The following ANO4 variants were observed in gnomAD, a reference collection of about 807,000 sequenced individuals.
The protein encoded by ANO4 is anoctamin-4.
Under a neutral mutation model 141.9 loss-of-function variants are expected in ANO4, and 69 were observed. That is an observed-to-expected ratio of 0.49 (90% CI 0.40 to 0.59). ANO4 has a LOEUF of 0.59. ANO4 is among the 20% of genes least tolerant of loss of function. The pLI is 0.00. For synonymous variants in ANO4, 350 were observed against 394.3 expected (o/e 0.89, Z 1.33); for missense variants, 894 against 1,162.2 (o/e 0.77, Z 3.36).
At chr12:100,750,594 C>T (rs533241757) in intron 3 of ANO4, among the ~76,000 whole-genome samples, 1 of 152,198 alleles carries the variant, frequency 6.6e-6, no homozygotes, top group East Asian at 1.9e-4. Context: ...TAGGAATAAT[C>T]CTCTTCTTAA....
intron 4 of ANO4, among the ~76,000 whole-genome samples, chr12:100,941,770 C>T (rs970811603): frequency 1.3e-5 from 2 of 151,924 alleles, no homozygotes; most frequent in Non-Finnish European, 2.9e-5. Flanking sequence ...GTGAGCATAT[C>T]AATTTTCACT....
chr12:101,121,596 C>T (rs2051095290), intron 26 of ANO4, among the ~76,000 whole-genome samples: 2 of 152,098 alleles, frequency 1.3e-5, no homozygotes, highest in Admixed American at 6.5e-5. Flanking sequence ...TGAGTATATA[C>T]CCAGAAATGG....
chr12:100,833,792 T>A (rs1286991322), intron 1 of ANO4, among the ~76,000 whole-genome samples: 1 of 152,148 alleles, frequency 6.6e-6, no homozygotes, highest in East Asian at 1.9e-4. Context: ...CCCATCCAGA[T>A]GATCCTGTTC....
intron 3 of ANO4, among the ~76,000 whole-genome samples, chr12:100,758,598 T>C (rs535377638): frequency 3.2e-4 from 48 of 152,286 alleles, no homozygotes; most frequent in Middle Eastern, 6.8e-3. Flanking sequence ...GAATTGACAG[T>C]GTGCTTTCCC....
chr12:101,063,775 T>TTTC (rs2048455993), intron 14 of ANO4, among the ~76,000 whole-genome samples: 1 of 135,510 alleles, frequency 7.4e-6, no homozygotes, highest in Non-Finnish European at 1.6e-5. Flanking sequence ...TTTTTTTTTT[T>TTTC]TTTGCCTTTG....
chr12:101,126,862 A>G lies in ANO4; in HGVS notation c.2677-17A>G. The G allele has an allele frequency of 1.3e-6, 2 of 1,568,084 alleles. No homozygotes were observed. The highest frequency in any genetic ancestry group is 2.2e-5 in the South Asian group (2 of 89,686). ...TGCACAGTAGACCTGACGCTGTTAC[A>G]TTCTCCTCTGTTTTAGCACCTCGTG... On this transcript the variant is annotated splice_polypyrimidine_tract_variant and intron_variant, in intron 26 of 27. Transcript: ENST00000392977.
At chr12:101,110,653 C>A in intron 23 of ANO4, 97 bp downstream of exon 23, 1 of 1,119,212 alleles carries the variant, frequency 8.9e-7, no homozygotes, top group East Asian at 2.9e-5. Context: ...TTATGTTTTC[C>A]ATTTAATATA....
At chr12:100,874,818 C>T (rs1187204755) in intron 1 of ANO4, among the ~76,000 whole-genome samples, 3 of 152,188 alleles carry the variant, frequency 2.0e-5, no homozygotes, top group Non-Finnish European at 4.4e-5. Context: ...CCACACCCAG[C>T]CAGGAGTTTT....
chr12:100,765,941 G>A (rs1368918884), intron 3 of ANO4, among the ~76,000 whole-genome samples: 2 of 150,674 alleles, frequency 1.3e-5, no homozygotes, highest in Non-Finnish European at 1.5e-5. Flanking sequence ...TATTAACTCC[G>A]GTCACCATGC....
chr12:100,996,442 T>G (rs928005749), intron 8 of ANO4, among the ~76,000 whole-genome samples: 3 of 152,156 alleles, frequency 2.0e-5, no homozygotes, highest in African/African-American at 7.2e-5. Context: ...CCCAGCACTT[T>G]GGGAGACCGT....
chr12:101,083,284 T>A (rs967775864), intron 15 of ANO4, among the ~76,000 whole-genome samples: 1 of 152,206 alleles, frequency 6.6e-6, no homozygotes, highest in African/African-American at 2.4e-5. Flanking sequence ...AGAAGCCTTC[T>A]TTGTCCTGGT....
At chr12:101,080,883 T>TAA (rs1491584060) in intron 15 of ANO4, among the ~76,000 whole-genome samples, 4 of 74,072 alleles carry the variant, frequency 5.4e-5, no homozygotes, top group African/African-American at 7.8e-5. Context: ...TATATATATA[T>TAA]TATATATATA....
chr12:100,837,076 G>A (rs948487428), intron 1 of ANO4, among the ~76,000 whole-genome samples: 1 of 152,130 alleles, frequency 6.6e-6, no homozygotes. Context: ...GAGAAGCCAG[G>A]CTTTGCCTTG....
At chr12:101,000,298 T>C (rs959003105) in intron 8 of ANO4, among the ~76,000 whole-genome samples, 3 of 152,214 alleles carry the variant, frequency 2.0e-5, no homozygotes, top group African/African-American at 7.2e-5. Context: ...TACTCAGTGT[T>C]CCAGATACTT....
intron 14 of ANO4, chr12:101,068,176 C>G: frequency 9.0e-7 from 1 of 1,109,628 alleles, no homozygotes; most frequent in South Asian, 1.7e-5. Context: ...TTAAATAGCC[C>G]CATAGGAGTG....
Position 100,862,726 on chromosome 12 carries a change from CAT to C in ANO4, c.-140-38919_-140-38918del, listed in dbSNP as rs143144087. Among the ~76,000 whole-genome samples the C allele has an allele frequency of 2.9e-3, 447 of 152,318 alleles. 1 individual carries two copies. The highest frequency in any genetic ancestry group is 9.9e-3 in the African/African-American group (411 of 41,572). On this transcript the variant is annotated intron_variant, in intron 1 of 27. Transcript: ENST00000392977. ...TTGTTCACATCAGTATCACTGCAAA[CAT>C]GTGAGTAATGCATTGCCCTATGACA...
In ANO4 at chr12:100,865,084, A is replaced by G. The variant is rs367669636; in HGVS notation, c.-140-36562A>G. Among the ~76,000 whole-genome samples, 758 of 152,312 alleles carry G rather than the reference A, an allele frequency of 5.0e-3. 9 individuals are homozygous for G. Among genetic ancestry groups the G allele is most frequent in the African/African-American group, 0.017 (727 of 41,564 alleles). ...CTTTGCTATCGTGAATAGTGCTGCA[A>G]TAAACATATGTGTGCATGTGTCTTT... On this transcript the variant is annotated intron_variant, in intron 1 of 27. Coordinates refer to ENST00000392977, the MANE Select transcript of ANO4 (RefSeq NM_001286615.2).
intron 1 of ANO4, among the ~76,000 whole-genome samples, chr12:100,836,609 A>C (rs76974177): frequency 0.035 from 5,284 of 151,434 alleles, 277 homozygotes; most frequent in African/African-American, 0.11. Context: ...GCTGTGATAT[A>C]GAATATCTGG....
intron 3 of ANO4, among the ~76,000 whole-genome samples, chr12:100,741,911 C>T (rs1245614252): frequency 6.6e-6 from 1 of 152,068 alleles, no homozygotes; most frequent in African/African-American, 2.4e-5. Context: ...TGTGAAATGG[C>T]AGCTGCCAGA....
Sources: gnomAD v4.1 joint callset for allele counts (sites outside exome capture counted in the v4.1 genomes callset) on GRCh38, gnomAD v4.1.1 for gene constraint, MANE v1.5 for transcripts, NCBI Gene and HGNC (gene_info 2026-07-23, HGNC 2026-07-21) for gene names.